Variants in DSCAM observed in about 807,000 individuals in gnomAD.
DSCAM encodes cell adhesion molecule DSCAM.
Under a neutral mutation model 217.7 loss-of-function variants are expected in DSCAM, and 47 were observed. That is an observed-to-expected ratio of 0.22 (90% CI 0.17 to 0.28). The LOEUF is 0.28. Among genes scored for constraint, DSCAM ranks in the 10% least tolerant of loss-of-function variants. The pLI is 1.00. For synonymous variants in DSCAM, 1,056 were observed against 1,015.3 expected, an observed-to-expected ratio of 1.04 and a Z score of -0.76; for missense variants, 2,080 against 2,618.3, an observed-to-expected ratio of 0.79 and a Z score of 4.49.
chr21:40,295,719 T>C (rs914313019), intron 10 of DSCAM, among the ~76,000 whole-genome samples: 1 of 152,246 alleles, frequency 6.6e-6, no homozygotes, highest in Non-Finnish European at 1.5e-5. Context: ...CATCTCTTCA[T>C]GTACGAGTGT....
chr21:40,578,829 T>C (rs542573035), intron 3 of DSCAM, among the ~76,000 whole-genome samples: 1 of 152,244 alleles, frequency 6.6e-6, no homozygotes, highest in South Asian at 2.1e-4. Context: ...TCCCTGGGAA[T>C]GGGGATACAT....
chr21:40,445,855 T>C (rs1034391496), intron 3 of DSCAM, among the ~76,000 whole-genome samples: 4 of 152,230 alleles, frequency 2.6e-5, no homozygotes, highest in Non-Finnish European at 5.9e-5. Context: ...TCTAATGACT[T>C]GGATTTTACA....
At chr21:40,107,145 T>G (rs1373527480) in intron 20 of DSCAM, among the ~76,000 whole-genome samples, 1 of 152,244 alleles carries the variant, frequency 6.6e-6, no homozygotes, top group Non-Finnish European at 1.5e-5. Flanking sequence ...GCCTTAGCAG[T>G]GTCTCAGAGA....
At chr21:40,307,676 A>G (rs1436125630) in intron 9 of DSCAM, among the ~76,000 whole-genome samples, 3 of 152,186 alleles carry the variant, frequency 2.0e-5, no homozygotes, top group African/African-American at 4.8e-5. Flanking sequence ...AAGACTTGGG[A>G]CCAACCCAAA....
chr21:40,682,808 G>A lies in DSCAM; in HGVS notation c.508+10002C>T, dbSNP rs1200447729. Among the ~76,000 whole-genome samples, 280 of 50,826 alleles carry A rather than the reference G, an allele frequency of 5.5e-3. 73 individuals are homozygous for A. The highest frequency in any genetic ancestry group is 9.6e-3 in the Middle Eastern group (1 of 104). 33.3% of individuals were successfully genotyped at this position (50,826 alleles called of 152,430 possible). On this transcript the variant is annotated intron_variant, in intron 3 of 32. Coordinates refer to ENST00000400454, the MANE Select transcript of DSCAM (RefSeq NM_001389.5). Reference sequence around the variant, plus strand: ...GGGGAGGGGAGGGAAGGGAAGGGAAGGGAAGGGAAGGGAAGGGAAGGGAAG... The same window carrying A: ...GGGGAGGGGAGGGAAGGGAAGGGAAAGGAAGGGAAGGGAAGGGAAGGGAAG...
chr21:40,453,027 A>T (rs1304442377), intron 3 of DSCAM, among the ~76,000 whole-genome samples: 1 of 139,254 alleles, frequency 7.2e-6, no homozygotes, highest in Non-Finnish European at 1.5e-5. Flanking sequence ...CTGGTTCCTG[A>T]ATTTTAAAGA....
chr21:40,132,373 C>T (rs1053165060), intron 19 of DSCAM, among the ~76,000 whole-genome samples: 6 of 152,192 alleles, frequency 3.9e-5, no homozygotes, highest in African/African-American at 1.4e-4. Flanking sequence ...AGCTGTTTGT[C>T]TGTTACATTT....
At position 40,350,220 on chromosome 21, in the gene DSCAM, T is replaced by C. The variant is rs917461149; in HGVS notation, c.935-2275A>G. Among the ~76,000 whole-genome samples, 80 of 152,244 alleles carry C rather than the reference T, an allele frequency of 5.3e-4. 1 individual carries two copies. Among genetic ancestry groups the C allele is most frequent in the Middle Eastern group, 3.4e-3 (1 of 294 alleles). On this transcript the variant is annotated intron_variant, in intron 5 of 32. Transcript: ENST00000400454. ...CCTAGTCAATACCATTCAGGACATA[T>C]GCATGGACAAAGACTTCATGACTAA...
At chr21:40,823,831 T>C (rs1292584766) in intron 1 of DSCAM, among the ~76,000 whole-genome samples, 3 of 152,174 alleles carry the variant, frequency 2.0e-5, no homozygotes, top group Admixed American at 6.5e-5. Flanking sequence ...CAGTCAGGTT[T>C]CAGCATCTCT....
intron 3 of DSCAM, among the ~76,000 whole-genome samples, chr21:40,374,585 T>C (rs2123710499): frequency 6.6e-6 from 1 of 152,320 alleles, no homozygotes; most frequent in South Asian, 2.1e-4. Flanking sequence ...TATACCCCAG[T>C]GAAAGGCTTG....
At chr21:40,392,208 C>G (rs1405188334) in intron 3 of DSCAM, among the ~76,000 whole-genome samples, 1 of 152,020 alleles carries the variant, frequency 6.6e-6, no homozygotes, top group Non-Finnish European at 1.5e-5. Flanking sequence ...AACATGCAAA[C>G]CTATTAGTAC....
chr21:40,600,463 A>G (rs2077737722), intron 3 of DSCAM, among the ~76,000 whole-genome samples: 1 of 152,116 alleles, frequency 6.6e-6, no homozygotes, highest in African/African-American at 2.4e-5. Flanking sequence ...TCACCTCTCA[A>G]AGGCCCCACC....
chr21:40,266,063 GACAA>G (rs2073522022), intron 11 of DSCAM, among the ~76,000 whole-genome samples: 2 of 152,210 alleles, frequency 1.3e-5, no homozygotes, highest in South Asian at 4.1e-4. Flanking sequence ...AAAGTAAACA[GACAA>G]CCTACAGAAT....
chr21:40,760,078 C>CCA (rs2091316682), intron 1 of DSCAM, among the ~76,000 whole-genome samples: 1 of 151,948 alleles, frequency 6.6e-6, no homozygotes, highest in East Asian at 1.9e-4. Flanking sequence ...ACTGCAACCT[C>CCA]CACCCCCCAG....
At chr21:40,067,856 G>A (rs931480541) in intron 27 of DSCAM, among the ~76,000 whole-genome samples, 20 of 150,840 alleles carry the variant, frequency 1.3e-4, no homozygotes, top group Admixed American at 5.3e-4. Flanking sequence ...ATCAAGCAAA[G>A]CAGATGCTGA....
intron 10 of DSCAM, among the ~76,000 whole-genome samples, chr21:40,291,642 T>A (rs1365823488): frequency 6.6e-6 from 1 of 152,182 alleles, no homozygotes; most frequent in Non-Finnish European, 1.5e-5. Context: ...CCTTCCGGTC[T>A]CCCTCGGAGG....
At chr21:40,303,762 C>T (rs1477618555) in intron 9 of DSCAM, among the ~76,000 whole-genome samples, 2 of 152,058 alleles carry the variant, frequency 1.3e-5, no homozygotes, top group Non-Finnish European at 2.9e-5. Flanking sequence ...AAATAGCAAC[C>T]TTCTATGATT....
chr21:40,208,859 A>G (rs563968256), intron 11 of DSCAM, among the ~76,000 whole-genome samples: 45 of 152,246 alleles, frequency 3.0e-4, no homozygotes, highest in African/African-American at 1.0e-3. Flanking sequence ...AAACAGGCCA[A>G]TCTGATCCTC....
At chr21:40,038,228 G>A (rs1271300046) in intron 32 of DSCAM, among the ~76,000 whole-genome samples, 7 of 118,548 alleles carry the variant, frequency 5.9e-5, no homozygotes, top group South Asian at 3.2e-4. Flanking sequence ...GAGTGAACAG[G>A]CAACCTACAA....
Sources: allele counts gnomAD v4.1 joint callset (sites outside exome capture counted in the v4.1 genomes callset), GRCh38; gene constraint gnomAD v4.1.1; transcripts MANE v1.5; gene names NCBI Gene and HGNC (gene_info 2026-07-23, HGNC 2026-07-21).